Variants in MLLT1 observed in about 807,000 individuals in gnomAD.
MLLT1 encodes the protein MLLT1 super elongation complex subunit.
Under a neutral mutation model 55.1 loss-of-function variants are expected in MLLT1, and 11 were observed. That is an observed-to-expected ratio of 0.20 (90% CI 0.13 to 0.33). The LOEUF (loss-of-function observed/expected upper bound fraction) is 0.33, where lower values mean the gene tolerates loss of function less well. MLLT1 is among the 10% of genes least tolerant of loss of function. The pLI, the probability that MLLT1 is intolerant of heterozygous loss-of-function variation, is 1.00. For missense variants in MLLT1, 536 were observed against 760.6 expected, an observed-to-expected ratio of 0.70 and a Z score of 3.47; for synonymous variants, 323 against 320.1, an observed-to-expected ratio of 1.01 and a Z score of -0.10.
chr19:6,240,005 C>G lies in MLLT1; in HGVS notation c.277-9292G>C, dbSNP rs533708374. Reference sequence around the variant, plus strand: ...ACCTCTGACCAGGAGTCAGAGGACTCCTGGATGCTGAAGCGGCTCAGCACT... The same window carrying G: ...ACCTCTGACCAGGAGTCAGAGGACTGCTGGATGCTGAAGCGGCTCAGCACT... On this transcript the variant is annotated intron_variant, in intron 3 of 11. Coordinates refer to ENST00000252674, the MANE Select transcript of MLLT1 (RefSeq NM_005934.4). The surrounding 1 kb of genome is among the most constrained non-coding windows in gnomAD (Gnocchi z 4.7). Among the ~76,000 whole-genome samples, 10 of 152,216 alleles carry G rather than the reference C, an allele frequency of 6.6e-5. No homozygotes were observed. The highest frequency in any genetic ancestry group is 6.5e-4 in the Admixed American group (10 of 15,300).
intron 4 of MLLT1, among the ~76,000 whole-genome samples, chr19:6,228,216 C>T (rs970782020): frequency 2.6e-5 from 4 of 152,202 alleles, no homozygotes; most frequent in Non-Finnish European, 4.4e-5. Flanking sequence ...CGCAAGCTCA[C>T]GGAGGAGCCA....
At position 6,259,239 on chromosome 19, in the gene MLLT1, G is replaced by A. The variant is rs79532558; in HGVS notation, c.276+2989C>T. The A allele has an allele frequency of 0.012, 1,856 of 152,324 alleles. 76 individuals are homozygous for A. The East Asian group carries it at 0.14, about 11-fold the overall frequency. The allele number at this position is 152,324 out of a possible 1,614,324, so 9.4% of individuals were successfully genotyped here. On this transcript the variant is annotated intron_variant, in intron 3 of 11. Transcript: ENST00000252674. ...TACCTGACCTCCCACCGAGGAGTAA[G>A]CCATGGCTAACCACCAAACGCGAGC...
In MLLT1 at chr19:6,222,217, C is replaced by T; in HGVS notation, c.1014G>A (p.Gly338=). The change falls in exon 6 of 12, where the codon GGG becomes GGA. Residue 338 remains glycine, a synonymous_variant. Coordinates refer to ENST00000252674, the MANE Select transcript of MLLT1 (RefSeq NM_005934.4). The surrounding 1 kb of genome is among the most constrained non-coding windows in gnomAD (Gnocchi z 4.1). ...KPAKDKSSTR[G]EKVKAESEPR... is the part of the protein sequence containing the mutation. ...GCTCACTCTCGGCCTTCACCTTCTC[C>T]CCTCTGGTGCTGCTCTTGTCCTTGG... 1 of 1,612,394 alleles carries T rather than the reference C, an allele frequency of 6.2e-7. No homozygotes were observed. The highest frequency in any genetic ancestry group is 8.5e-7 in the Non-Finnish European group (1 of 1,179,292).
Position 6,212,759 on chromosome 19 carries a change from T to A in MLLT1, c.*283A>T, listed in dbSNP as rs1351925547. ...GCTGGGCGAGGGGCCCCCGGCCCTG[T>A]CTCTGCCCAGAGCTGCCTTCAACAC... On this transcript the variant is annotated 3_prime_UTR_variant, in exon 12 of 12. Transcript: ENST00000252674. 9.8e-5 allele frequency: 103 copies of A among 1,049,580 alleles called. No homozygotes were observed. The highest frequency in any genetic ancestry group is 1.2e-4 in the Non-Finnish European group (99 of 822,380). 65.0% of individuals were successfully genotyped at this position (1,049,580 alleles called of 1,614,324 possible).
At chr19:6,214,695 C>T (rs372081372) in intron 8 of MLLT1, among the ~76,000 whole-genome samples, 6 of 152,172 alleles carry the variant, frequency 3.9e-5, no homozygotes, top group Admixed American at 6.5e-5. Flanking sequence ...TCTCACTCTG[C>T]GTGCCTGGGG....
chr19:6,265,047 A>C (rs1476467332), intron 2 of MLLT1, among the ~76,000 whole-genome samples: 1 of 85,418 alleles, frequency 1.2e-5, no homozygotes, highest in African/African-American at 5.9e-5. Flanking sequence ...GCAAAAAAAA[A>C]ACAAAAAAAC....
At chr19:6,245,519 G>GTGAAACCCCGT (rs2091160143) in intron 3 of MLLT1, among the ~76,000 whole-genome samples, 1 of 150,156 alleles carries the variant, frequency 6.7e-6, no homozygotes, top group East Asian at 2.1e-4. Context: ...GACCATCCTG[G>GTGAAACCCCGT]CTAACATGGT....
In MLLT1 at chr19:6,212,959, G is replaced by A. The variant is rs2090795364; in HGVS notation, c.*83C>T. On this transcript the variant is annotated 3_prime_UTR_variant, in exon 12 of 12. Transcript: ENST00000252674. ...GTCGCTAAGGCAGTGCTGCGGGCAG[G>A]CGAGACGGGAGAGGAGGGCAGGCGA... is the stretch of plus-strand genomic sequence containing the variant. 3.9e-6 allele frequency: 6 copies of A among 1,542,258 alleles called. No individual in the cohort carries two copies. The highest frequency in any genetic ancestry group is 4.4e-6 in the Non-Finnish European group (5 of 1,133,666).
At chr19:6,264,901 A>T (rs1252840172) in intron 2 of MLLT1, among the ~76,000 whole-genome samples, 2 of 150,566 alleles carry the variant, frequency 1.3e-5, no homozygotes, top group Non-Finnish European at 3.0e-5. Context: ...TTAAAAAAAA[A>T]AAAAAAAAAA....
intron 3 of MLLT1, among the ~76,000 whole-genome samples, chr19:6,253,618 T>A (rs764427786): frequency 2.1e-4 from 32 of 152,098 alleles, no homozygotes; most frequent in Admixed American, 1.2e-3. Flanking sequence ...CTAAAAAGAT[T>A]ATATACCATA....
chr19:6,273,619 C>T lies in MLLT1; in HGVS notation c.13-2860G>A, dbSNP rs891998941. On this transcript the variant is annotated intron_variant, in intron 1 of 11. Coordinates refer to ENST00000252674, the MANE Select transcript of MLLT1 (RefSeq NM_005934.4). This position sits in a 1 kb window ranked among gnomAD's most constrained non-coding sequence, Gnocchi z 4.3. ...CGGCCATGACCACCCTCTATGCTTA[C>T]ACGCCTGCGCCTCTGCCTTTTTCGC... Among the ~76,000 whole-genome samples the T allele has an allele frequency of 1.3e-5, 2 of 152,218 alleles. No individual in the cohort carries two copies. The highest frequency in any genetic ancestry group is 6.5e-5 in the Admixed American group (1 of 15,284).
intron 2 of MLLT1, among the ~76,000 whole-genome samples, chr19:6,265,605 G>A (rs1357304676): frequency 2.0e-5 from 3 of 152,094 alleles, no homozygotes; most frequent in Non-Finnish European, 4.4e-5. Flanking sequence ...GGGAGGCGGA[G>A]GTTGCAGTGA....
intron 4 of MLLT1, among the ~76,000 whole-genome samples, chr19:6,228,566 T>C (rs1298837884): frequency 6.6e-6 from 1 of 152,038 alleles, no homozygotes; most frequent in Non-Finnish European, 1.5e-5. Flanking sequence ...TCTCTCCCAT[T>C]ACCGATCTCC....
intron 8 of MLLT1, 96 bp from the exon 9 acceptor site, chr19:6,214,134 CCTG>C (rs2090814064): frequency 3.1e-6 from 2 of 640,110 alleles, no homozygotes; most frequent in African/African-American, 4.0e-5. Context: ...GGAGTCGGTG[CCTG>C]AGCCCACACA....
rs779296830 is a variant in MLLT1, at chr19:6,273,988, G to T, written c.13-3229C>A. Reference sequence around the variant, plus strand: ...CGCAGTGGCCAAAGTAAACAGGAAGGTTCCGAGGCAGCGATGGGTAATCTT... The same window carrying T: ...CGCAGTGGCCAAAGTAAACAGGAAGTTTCCGAGGCAGCGATGGGTAATCTT... On this transcript the variant is annotated intron_variant, in intron 1 of 11. Transcript: ENST00000252674. This position sits in a 1 kb window ranked among gnomAD's most constrained non-coding sequence, Gnocchi z 4.3. Among the ~76,000 whole-genome samples the T allele has an allele frequency of 7.2e-5, 11 of 152,262 alleles. No homozygotes were observed. The highest frequency in any genetic ancestry group is 5.9e-4 in the Admixed American group (9 of 15,290).
At chr19:6,237,391 C>T (rs1348912063) in intron 3 of MLLT1, among the ~76,000 whole-genome samples, 3 of 152,272 alleles carry the variant, frequency 2.0e-5, no homozygotes, top group South Asian at 2.1e-4. Context: ...ATCTCTGCCC[C>T]GCCAAGCTTG....
rs1263029513 is a variant in MLLT1 at position 6,219,444 on chromosome 19, T to A, written c.1111-1403A>T. ...GCCTGGAGCTGGGTGATGCACAGCC[T>A]GGACTTCTGTTCTTGGGGGCCAGGG... On this transcript the variant is annotated intron_variant, in intron 6 of 11. Coordinates refer to ENST00000252674, the MANE Select transcript of MLLT1 (RefSeq NM_005934.4). The surrounding 1 kb of genome is among the most constrained non-coding windows in gnomAD (Gnocchi z 4.5). Among the ~76,000 whole-genome samples the A allele has an allele frequency of 6.6e-6, 1 of 152,130 alleles. No individual in the cohort carries two copies. The highest frequency in any genetic ancestry group is 2.4e-5 in the African/African-American group (1 of 41,436).
intron 1 of MLLT1, among the ~76,000 whole-genome samples, chr19:6,272,046 G>A (rs969475503): frequency 5.9e-5 from 9 of 152,216 alleles, no homozygotes; most frequent in African/African-American, 4.8e-5. Flanking sequence ...GTTGTCACGC[G>A]ATGGAGCCGC....
At chr19:6,274,644 G>T (rs185106139) in intron 1 of MLLT1, among the ~76,000 whole-genome samples, 4 of 152,094 alleles carry the variant, frequency 2.6e-5, no homozygotes, top group African/African-American at 9.7e-5. Flanking sequence ...GAAATGAGCC[G>T]GGGGGCTGTG....
Sources: gnomAD v4.1 joint callset for allele counts (sites outside exome capture counted in the v4.1 genomes callset) on GRCh38, gnomAD v4.1.1 for gene constraint, Gnocchi (gnomAD v3.1) non-coding constraint, MANE v1.5 for transcripts, NCBI Gene and HGNC (gene_info 2026-07-23, HGNC 2026-07-21) for gene names.